The following TRPM3 variants were observed in gnomAD, a reference collection of about 807,000 sequenced individuals.
TRPM3 encodes transient receptor potential cation channel subfamily M member 3, also known as long transient receptor potential channel 3.
Under a neutral mutation model 181.2 loss-of-function variants are expected in TRPM3, and 77 were observed. The ratio of observed to expected loss-of-function variants is 0.42; its 90% confidence interval spans 0.35 to 0.51. TRPM3 has a LOEUF of 0.51. Among genes scored for constraint, TRPM3 ranks in the 20% least tolerant of loss-of-function variants. The probability of loss-of-function intolerance (pLI) is 0.01; values close to 1 mark genes in which losing one functional copy is unlikely to be tolerated. For synonymous variants in TRPM3, 745 were observed against 796.4 expected, an observed-to-expected ratio of 0.94 and a Z score of 1.09; for missense variants, 1,759 against 2,196.7, an observed-to-expected ratio of 0.80 and a Z score of 3.98.
At chr9:70,681,251 C>G (rs1339051660) in intron 9 of TRPM3, among the ~76,000 whole-genome samples, 1 of 152,018 alleles carries the variant, frequency 6.6e-6, no homozygotes, top group East Asian at 1.9e-4. Flanking sequence ...CAGCCTTTTT[C>G]TTTATATACG....
chr9:70,654,292 C>T (rs2059978249), intron 9 of TRPM3, among the ~76,000 whole-genome samples: 1 of 152,092 alleles, frequency 6.6e-6, no homozygotes, highest in South Asian at 2.1e-4. Flanking sequence ...TCCTCCCAGC[C>T]AAAAGGTGCC....
At chr9:71,113,116 T>C (rs77328416) in intron 1 of TRPM3, among the ~76,000 whole-genome samples, 2,383 of 152,296 alleles carry the variant, frequency 0.016, 50 homozygotes, top group East Asian at 0.077. Flanking sequence ...CAGCAGCCTC[T>C]TGGTCTTACT....
intron 19 of TRPM3, among the ~76,000 whole-genome samples, chr9:70,605,689 G>A (rs1265267816): frequency 2.0e-5 from 3 of 152,138 alleles, no homozygotes; most frequent in African/African-American, 7.2e-5. Flanking sequence ...AACAAAAAAA[G>A]GACTTTAGTG....
chr9:71,389,627 T>C (rs1372465985), intron 1 of TRPM3, among the ~76,000 whole-genome samples: 3 of 152,114 alleles, frequency 2.0e-5, no homozygotes, highest in Non-Finnish European at 2.9e-5. Flanking sequence ...GTGGTGTACA[T>C]ATATAAGATG....
chr9:71,002,680 A>T (rs189543748), intron 1 of TRPM3, among the ~76,000 whole-genome samples: 1 of 152,292 alleles, frequency 6.6e-6, no homozygotes, highest in Admixed American at 6.5e-5. Flanking sequence ...AACATTATTG[A>T]AATCGAAATC....
intron 1 of TRPM3, among the ~76,000 whole-genome samples, chr9:70,921,941 A>AC (rs758638232): frequency 0.087 from 11,986 of 138,464 alleles, 519 homozygotes; most frequent in African/African-American, 0.14. Context: ...ACACACAAAC[A>AC]AACACACACA....
chr9:71,162,655 AG>A lies in TRPM3; in HGVS notation c.183+283997del, dbSNP rs760364631. On this transcript the variant is annotated intron_variant, in intron 1 of 24. Coordinates refer to the TRPM3 transcript ENST00000357533. ...TTTTTTAATTTAGAAAATCTCTGCTAGTATCTTAATTTTATTTATGATATTT... is the reference window on the plus strand; with the variant it reads ...TTTTTTAATTTAGAAAATCTCTGCTATATCTTAATTTTATTTATGATATTT... Among the ~76,000 whole-genome samples, 25 of 152,164 alleles carry A rather than the reference AG, an allele frequency of 1.6e-4. 1 individual carries two copies. Among genetic ancestry groups the A allele is most frequent in the Non-Finnish European group, 2.9e-4 (20 of 68,032 alleles).
At chr9:71,245,388 G>T (rs1317085417) in intron 1 of TRPM3, among the ~76,000 whole-genome samples, 1 of 148,968 alleles carries the variant, frequency 6.7e-6, no homozygotes, top group African/African-American at 2.5e-5. Flanking sequence ...AAGTTGCAGT[G>T]AGCCAAGATC....
At position 71,377,573 on chromosome 9, in the gene TRPM3, T is replaced by C. The variant is rs143666542; in HGVS notation, c.183+69080A>G. Among the ~76,000 whole-genome samples, 901 of 152,226 alleles carry C rather than the reference T, an allele frequency of 5.9e-3. 12 individuals carry two copies. The highest frequency in any genetic ancestry group is 0.021 in the African/African-American group (865 of 41,554). Reference sequence around the variant, plus strand: ...TCATCTCTCAGAGTTTCTTTCTTGGTATGTTATTCTCCAGGTGTGGCTAGT... The same window carrying C: ...TCATCTCTCAGAGTTTCTTTCTTGGCATGTTATTCTCCAGGTGTGGCTAGT... On this transcript the variant is annotated intron_variant, in intron 1 of 24. Transcript: ENST00000357533.
At chr9:71,332,860 A>C (rs868570482) in intron 1 of TRPM3, among the ~76,000 whole-genome samples, 11 of 151,820 alleles carry the variant, frequency 7.2e-5, no homozygotes, top group South Asian at 2.1e-4. Flanking sequence ...AAGTGTGACA[A>C]CTTTTATGTA....
At chr9:71,178,859 G>A (rs1002429405) in intron 1 of TRPM3, among the ~76,000 whole-genome samples, 8 of 152,054 alleles carry the variant, frequency 5.3e-5, no homozygotes, top group Non-Finnish European at 4.4e-5. Context: ...AGGCAGGGAT[G>A]TTTCTCTTAC....
chr9:70,760,599 G>C (rs2077949806), intron 8 of TRPM3: 1 of 151,556 alleles, frequency 6.6e-6, no homozygotes, highest in African/African-American at 2.4e-5. Flanking sequence ...GGAAGCTGCT[G>C]AAAGGTTTCT....
chr9:70,945,331 T>G (rs1480840071), intron 1 of TRPM3, among the ~76,000 whole-genome samples: 1 of 152,230 alleles, frequency 6.6e-6, no homozygotes, highest in Non-Finnish European at 1.5e-5. Context: ...TCTCTTCTTT[T>G]GGGAATGTAA....
chr9:70,572,653 C>G (rs1287714680), intron 22 of TRPM3, among the ~76,000 whole-genome samples: 1 of 152,036 alleles, frequency 6.6e-6, no homozygotes, highest in African/African-American at 2.4e-5. Context: ...CATGATTAGA[C>G]TAGGGTTATG....
chr9:71,025,925 C>T (rs1039099715), intron 1 of TRPM3, among the ~76,000 whole-genome samples: 1 of 152,164 alleles, frequency 6.6e-6, no homozygotes, highest in Non-Finnish European at 1.5e-5. Flanking sequence ...GGAACTGAAA[C>T]TCACTGCTGG....
intron 5 of TRPM3, among the ~76,000 whole-genome samples, chr9:70,839,004 C>A (rs2094483798): frequency 6.6e-6 from 1 of 152,148 alleles, no homozygotes; most frequent in South Asian, 2.1e-4. Flanking sequence ...ACCCAACAGG[C>A]CGCTCCCTCA....
intron 6 of TRPM3, 87 bp downstream of exon 6, chr9:70,827,760 T>C: frequency 6.8e-7 from 1 of 1,471,554 alleles, no homozygotes; most frequent in Non-Finnish European, 9.2e-7. Context: ...CTCAAGTTTT[T>C]ATTACATTGC....
chr9:70,549,577 T>G lies in TRPM3; in HGVS notation c.3672A>C (p.Ser1224=), dbSNP rs1205810117. Residue 1224 remains serine, a synonymous_variant, in exon 25 of 26, where the codon TCA becomes TCC. Transcript: ENST00000677713. Reference sequence around the variant, plus strand: ...TCACCCGTATCCTCTCATCATTAGATGAGTTGAACCGATCATCCTTTTCTC... The same window carrying G: ...TCACCCGTATCCTCTCATCATTAGAGGAGTTGAACCGATCATCCTTTTCTC... The part of the protein sequence containing the change: ...YFREKDDRFN[S]SNDERIRVTS... 4 of 1,613,728 alleles carry G rather than the reference T, an allele frequency of 2.5e-6. No homozygotes were observed. The East Asian group carries it at 8.9e-5, about 36-fold the overall frequency.
upstream of TRPM3, among the ~76,000 whole-genome samples, chr9:71,124,491 G>A (rs902656984): frequency 2.6e-5 from 4 of 152,004 alleles, no homozygotes; most frequent in Admixed American, 2.0e-4. Context: ...AGCAAGCAGG[G>A]CATATCAGAT....
Sources: allele counts gnomAD v4.1 joint callset (sites outside exome capture counted in the v4.1 genomes callset), GRCh38; gene constraint gnomAD v4.1.1; transcripts MANE v1.5; gene names NCBI Gene and HGNC (gene_info 2026-07-23, HGNC 2026-07-21).